Variants in RANBP2 observed in about 807,000 individuals in gnomAD.
RANBP2 encodes RAN binding protein 2, also known as E3 SUMO-protein ligase RanBP2.
RANBP2 carries 57 observed loss-of-function variants against 303.6 expected under a neutral mutation model. That is an observed-to-expected ratio of 0.19 (90% confidence interval 0.15 to 0.23). The LOEUF (loss-of-function observed/expected upper bound fraction) is 0.23, where lower values mean the gene tolerates loss of function less well. Among genes scored for constraint, RANBP2 ranks in the 10% least tolerant of loss-of-function variants. The pLI is 1.00. For synonymous variants in RANBP2, 1,167 were observed against 1,301.5 expected, an observed-to-expected ratio of 0.90 and a Z score of 2.23; for missense variants, 3,138 against 3,780.8, an observed-to-expected ratio of 0.83 and a Z score of 4.46.
At chr2:109,256,960 A>G in the RANBP2 span, among the ~76,000 whole-genome samples, 1 of 152,176 alleles carries the variant, frequency 6.6e-6, no homozygotes, top group Non-Finnish European at 1.5e-5. Context: ...GCAGCTCTTC[A>G]TGCTGGAGGG....
chr2:109,345,988 G>A, the RANBP2 span, among the ~76,000 whole-genome samples: 1 of 152,222 alleles, frequency 6.6e-6, no homozygotes, highest in African/African-American at 2.4e-5. Flanking sequence ...CCTGGCTGGC[G>A]GCTGAGTGGC....
chr2:109,436,266 T>C, the RANBP2 span, among the ~76,000 whole-genome samples: 1 of 152,168 alleles, frequency 6.6e-6, no homozygotes, highest in Admixed American at 6.5e-5. Flanking sequence ...CTCCAGGACA[T>C]GGATTAATTG....
chr2:108,929,779 T>G, the RANBP2 span, among the ~76,000 whole-genome samples: 1 of 152,180 alleles, frequency 6.6e-6, no homozygotes, highest in Non-Finnish European at 1.5e-5. Flanking sequence ...CGGAGGGAGA[T>G]GCAGCACTCA....
intron 26 of RANBP2, among the ~76,000 whole-genome samples, chr2:108,781,876 A>G (rs1037499040): frequency 3.3e-5 from 5 of 152,214 alleles, no homozygotes; most frequent in African/African-American, 1.2e-4. Context: ...TCTGTCCTAT[A>G]AAGAAAAGCA....
the RANBP2 span, among the ~76,000 whole-genome samples, chr2:108,817,978 G>A: frequency 3.9e-5 from 6 of 152,216 alleles, no homozygotes; most frequent in Admixed American, 2.0e-4. Flanking sequence ...AAGGCCTGCC[G>A]TATTAAAGTT....
the RANBP2 span, chr2:109,501,437 G>T: frequency 1.5e-6 from 1 of 688,860 alleles, no homozygotes; most frequent in Non-Finnish European, 2.8e-6. Context: ...GAGGGAAGAA[G>T]AGAAAGCACG....
the RANBP2 span, among the ~76,000 whole-genome samples, chr2:109,156,304 C>G: frequency 6.6e-6 from 1 of 152,216 alleles, no homozygotes; most frequent in East Asian, 1.9e-4. Context: ...AGTGTTTTCT[C>G]CGCCCCTCGC....
the RANBP2 span, among the ~76,000 whole-genome samples, chr2:109,777,460 A>G: frequency 1.5e-5 from 2 of 133,678 alleles, no homozygotes; most frequent in Admixed American, 8.2e-5. Flanking sequence ...ATCCTTTTAT[A>G]TATCACTGGA....
At chr2:108,742,526 G>A (rs946342776) in intron 7 of RANBP2, among the ~76,000 whole-genome samples, 1 of 151,328 alleles carries the variant, frequency 6.6e-6, no homozygotes, top group African/African-American at 2.4e-5. Context: ...GGATGGTCTC[G>A]ATCTTCTGAC....
chr2:109,662,251 A>C, the RANBP2 span, among the ~76,000 whole-genome samples: 1 of 152,012 alleles, frequency 6.6e-6, no homozygotes, highest in African/African-American at 2.4e-5. Flanking sequence ...AGTCTGAAAG[A>C]TCTTCCCACC....
the RANBP2 span, among the ~76,000 whole-genome samples, chr2:109,024,887 A>G: frequency 1.3e-5 from 2 of 152,226 alleles, no homozygotes; most frequent in Non-Finnish European, 1.5e-5. Context: ...TGACCATATT[A>G]GCCACTGTTA....
chr2:109,176,775 G>T, the RANBP2 span, among the ~76,000 whole-genome samples: 26 of 152,294 alleles, frequency 1.7e-4, no homozygotes, highest in African/African-American at 6.3e-4. Flanking sequence ...CAGGAATGGA[G>T]GCTGTTCCGC....
chr2:109,202,646 T>A, the RANBP2 span, among the ~76,000 whole-genome samples: 1 of 152,112 alleles, frequency 6.6e-6, no homozygotes, highest in East Asian at 1.9e-4. Flanking sequence ...GGAACCTGGG[T>A]CCTGGGAAAA....
chr2:109,130,316 C>T, the RANBP2 span, among the ~76,000 whole-genome samples: 1 of 152,212 alleles, frequency 6.6e-6, no homozygotes, highest in African/African-American at 2.4e-5. Context: ...CACGTGTGTC[C>T]CATCCTCCTG....
At chr2:108,913,164 TGG>T in the RANBP2 span, among the ~76,000 whole-genome samples, 68 of 152,276 alleles carry the variant, frequency 4.5e-4, no homozygotes, top group Admixed American at 2.5e-3. Flanking sequence ...TTAGCCAGGA[TGG>T]GCTCGATCTC....
At chr2:109,522,292 AC>A in the RANBP2 span, among the ~76,000 whole-genome samples, 1 of 147,108 alleles carries the variant, frequency 6.8e-6, no homozygotes, top group Non-Finnish European at 1.5e-5. Flanking sequence ...TTAAAAAAAA[AC>A]CTTTTTTTTT....
chr2:108,903,135 C>T, the RANBP2 span, among the ~76,000 whole-genome samples: 17 of 152,136 alleles, frequency 1.1e-4, no homozygotes, highest in Non-Finnish European at 2.1e-4. Flanking sequence ...TTTAAATTGT[C>T]GTTTACAGTG....
chr2:109,532,832 C>T, the RANBP2 span, among the ~76,000 whole-genome samples: 15 of 152,194 alleles, frequency 9.9e-5, no homozygotes, highest in African/African-American at 3.1e-4. Context: ...GTGACGCCTC[C>T]TCTACCCTTT....
the RANBP2 span, among the ~76,000 whole-genome samples, chr2:108,875,706 A>C: frequency 6.6e-6 from 1 of 152,108 alleles, no homozygotes; most frequent in South Asian, 2.1e-4. Flanking sequence ...AAAAATAAAC[A>C]AAATTAGCCA....
Sources: gnomAD v4.1 joint callset for allele counts (sites outside exome capture counted in the v4.1 genomes callset) on GRCh38, gnomAD v4.1.1 for gene constraint, MANE v1.5 for transcripts, NCBI Gene and HGNC (gene_info 2026-07-23, HGNC 2026-07-21) for gene names.